UNC13B: variants seen among roughly 807,000 people sequenced by gnomAD.
The protein encoded by UNC13B is protein unc-13 homolog B.
A neutral mutation model predicts 211.0 loss-of-function variants in UNC13B; 144 were observed. That is an observed-to-expected ratio of 0.68 (90% confidence interval 0.60 to 0.78). The LOEUF (loss-of-function observed/expected upper bound fraction) is 0.78. Among genes scored for constraint, UNC13B ranks in the 30% least tolerant of loss-of-function variants. The pLI, the probability that UNC13B is intolerant of heterozygous loss-of-function variation, is 0.00. For missense variants in UNC13B, 1,777 were observed against 2,002.0 expected (o/e 0.89, Z 2.14); for synonymous variants, 709 against 725.8 (o/e 0.98, Z 0.37).
chr9:35,257,473 C>T lies in UNC13B; in HGVS notation c.469-1520C>T, dbSNP rs980739876. 8.6e-5 allele frequency among the ~76,000 whole-genome samples: 12 copies of T among 139,944 alleles called. No homozygotes were observed. In the South Asian group the frequency reaches 8.9e-4, roughly 10 times the overall value. 91.8% of individuals were successfully genotyped at this position (139,944 alleles called of 152,430 possible). A position where few individuals can be genotyped will look rare whatever the true frequency, so the allele number is the denominator to read the frequency against. The stretch of plus-strand genomic sequence containing the variant: ...GCTCACGCCTGTAATCCCAGCTACT[C>T]GGGAGGCTGAAGCACAAGAATTGTT... On this transcript the variant is annotated intron_variant, in intron 6 of 39. Coordinates refer to ENST00000635942, the MANE Select transcript of UNC13B (RefSeq NM_001371189.2).
chr9:35,375,166 A>G lies in UNC13B; in HGVS notation c.9580A>G (p.Met3194Val), dbSNP rs754993902. ...QSRKAGITSAMATRTSLKDEE... is the reference protein window; with the variant it reads ...QSRKAGITSAVATRTSLKDEE... Reference sequence around the variant, plus strand: ...TCGGAAGGCAGGAATCACTTCTGCAATGGCTACACGCACTTCTCTTAAGGA... The same window carrying G: ...TCGGAAGGCAGGAATCACTTCTGCAGTGGCTACACGCACTTCTCTTAAGGA... Residue 3194 changes from methionine to valine, a missense_variant, in exon 14 of 40, where the codon ATG (methionine) becomes GTG (valine). By Grantham distance (21) the Met-to-Val change is conservative (BLOSUM62 1). Transcript: ENST00000635942. 7 of 1,614,192 alleles carry G rather than the reference A, an allele frequency of 4.3e-6. No individual in the cohort carries two copies. Among genetic ancestry groups the G allele is most frequent in the Non-Finnish European group, 5.9e-6 (7 of 1,179,994 alleles).
At chr9:35,199,753 T>C (rs560266897) in intron 1 of UNC13B, among the ~76,000 whole-genome samples, 1 of 152,220 alleles carries the variant, frequency 6.6e-6, no homozygotes, top group Non-Finnish European at 1.5e-5. Flanking sequence ...CTTTGTCAGA[T>C]GAGTAGATTG....
At chr9:35,215,475 T>G (rs1824201662) in intron 1 of UNC13B, among the ~76,000 whole-genome samples, 1 of 152,190 alleles carries the variant, frequency 6.6e-6, no homozygotes, top group African/African-American at 2.4e-5. Flanking sequence ...ATGTTACAGT[T>G]TTACAAACAA....
At chr9:35,206,302 A>T (rs987984734) in intron 1 of UNC13B, among the ~76,000 whole-genome samples, 1 of 152,212 alleles carries the variant, frequency 6.6e-6, no homozygotes, top group African/African-American at 2.4e-5. Flanking sequence ...TCACAGTGTC[A>T]TGCAATTATT....
At chr9:35,233,397 A>G (rs1004335478) in intron 3 of UNC13B, among the ~76,000 whole-genome samples, 1 of 152,056 alleles carries the variant, frequency 6.6e-6, no homozygotes, top group African/African-American at 2.4e-5. Context: ...TGTCTCTCCC[A>G]CGTTGAGATG....
intron 1 of UNC13B, among the ~76,000 whole-genome samples, chr9:35,226,070 C>T (rs1824823087): frequency 6.6e-6 from 1 of 152,146 alleles, no homozygotes; most frequent in Non-Finnish European, 1.5e-5. Flanking sequence ...AACTGTCCTG[C>T]ATACTGTAGA....
chr9:35,332,780 T>C (rs1374485343), intron 11 of UNC13B, among the ~76,000 whole-genome samples: 4 of 152,226 alleles, frequency 2.6e-5, no homozygotes, highest in Non-Finnish European at 5.9e-5. Context: ...CAGGCCAAGT[T>C]AGAGTCTCAT....
chr9:35,257,393 T>TA (rs1210359322), intron 6 of UNC13B, among the ~76,000 whole-genome samples: 1 of 139,322 alleles, frequency 7.2e-6, no homozygotes, highest in Non-Finnish European at 1.5e-5. Flanking sequence ...TAAATATTTA[T>TA]AAAAATATTT....
chr9:35,234,044 C>CT (rs1825356341), intron 3 of UNC13B, among the ~76,000 whole-genome samples: 1 of 152,160 alleles, frequency 6.6e-6, no homozygotes, highest in Non-Finnish European at 1.5e-5. Flanking sequence ...GCTATTTCTT[C>CT]TGTCTGTTGG....
chr9:35,291,051 T>C (rs952930208), intron 7 of UNC13B: 1 of 1,550,062 alleles, frequency 6.5e-7, no homozygotes, highest in Non-Finnish European at 8.7e-7. Context: ...ATCTGCTGCT[T>C]CTTTGTGGTT....
At chr9:35,327,461 A>G (rs926327282) in intron 11 of UNC13B, among the ~76,000 whole-genome samples, 2 of 152,172 alleles carry the variant, frequency 1.3e-5, no homozygotes, top group Non-Finnish European at 2.9e-5. Context: ...CAAGTCCCAA[A>G]TAACCTGTTC....
chr9:35,226,132 T>G lies in UNC13B; in HGVS notation c.23-1883T>G, dbSNP rs151005843. The stretch of plus-strand genomic sequence containing the variant: ...GCCAGTAAATGCCAGTAACATCACA[T>G]GGGAACTTGTTAGAAATACAGTTTC... On this transcript the variant is annotated intron_variant, in intron 1 of 39. Coordinates refer to ENST00000635942, the MANE Select transcript of UNC13B (RefSeq NM_001371189.2). Among the ~76,000 whole-genome samples the G allele has an allele frequency of 7.0e-4, 106 of 152,316 alleles. 1 individual carries two copies. The highest frequency in any genetic ancestry group is 2.1e-3 in the South Asian group (10 of 4,824).
intron 32 of UNC13B, 107 bp from the exon 33 acceptor site, chr9:35,398,775 C>A: frequency 6.4e-7 from 1 of 1,565,472 alleles, no homozygotes; most frequent in Non-Finnish European, 8.7e-7. Context: ...ACTGTCCCTG[C>A]TGGAAATGCA....
At chr9:35,246,430 C>T (rs1442833950) in intron 6 of UNC13B, among the ~76,000 whole-genome samples, 3 of 152,156 alleles carry the variant, frequency 2.0e-5, no homozygotes, top group Non-Finnish European at 4.4e-5. Flanking sequence ...TTGCCCATGC[C>T]TATGTCCTGA....
At chr9:35,312,071 C>T (rs915040608) in intron 10 of UNC13B, among the ~76,000 whole-genome samples, 2 of 152,124 alleles carry the variant, frequency 1.3e-5, no homozygotes, top group Non-Finnish European at 2.9e-5. Flanking sequence ...TCCTTGCAAC[C>T]CTCAGTTGTG....
At chr9:35,224,559 A>C (rs1195555511) in intron 1 of UNC13B, among the ~76,000 whole-genome samples, 12 of 152,142 alleles carry the variant, frequency 7.9e-5, no homozygotes, top group African/African-American at 2.9e-4. Context: ...TCTATATATA[A>C]GATCATGTCA....
At position 35,385,825 on chromosome 9, in the gene UNC13B, A is replaced by C; in HGVS notation, c.10965+12A>C. On this transcript the variant is annotated intron_variant, in intron 23 of 39. Coordinates refer to ENST00000635942, the MANE Select transcript of UNC13B (RefSeq NM_001371189.2). The stretch of plus-strand genomic sequence containing the variant: ...TCTTCAGAATGAAGGTAAGAAATGG[A>C]CTGGGGCTTGGGTGGTGCTGGGCTG... 5.0e-6 allele frequency: 8 copies of C among 1,604,272 alleles called. No individual in the cohort carries two copies. Among genetic ancestry groups the C allele is most frequent in the Non-Finnish European group, 6.8e-6 (8 of 1,172,312 alleles).
At chr9:35,294,457 C>T (rs917964880) in intron 7 of UNC13B, among the ~76,000 whole-genome samples, 2 of 152,164 alleles carry the variant, frequency 1.3e-5, no homozygotes, top group Non-Finnish European at 2.9e-5. Context: ...CAGGCATCTG[C>T]CATCATGCCC....
In UNC13B at chr9:35,399,844, A is replaced by G. The variant is rs1836171959; in HGVS notation, c.12336+115A>G. 3.0e-6 allele frequency: 3 copies of G among 1,015,812 alleles called. No homozygotes were observed. In the African/African-American group the frequency reaches 4.8e-5, roughly 16 times the overall value. 62.9% of individuals were successfully genotyped at this position (1,015,812 alleles called of 1,614,324 possible). A position where few individuals can be genotyped will look rare whatever the true frequency, so the allele number is the denominator to read the frequency against. On this transcript the variant is annotated intron_variant, in intron 36 of 39. Transcript: ENST00000635942. ...TCTTAACACTCCACATCCAGAAGAGAGTTACTATGTACTGCCAAGGATACA... is the reference window on the plus strand; with the variant it reads ...TCTTAACACTCCACATCCAGAAGAGGGTTACTATGTACTGCCAAGGATACA...
Sources: gnomAD v4.1 joint callset for allele counts (sites outside exome capture counted in the v4.1 genomes callset) on GRCh38, gnomAD v4.1.1 for gene constraint, MANE v1.5 for transcripts, NCBI Gene and HGNC (gene_info 2026-07-23, HGNC 2026-07-21) for gene names.